ASH2L: variants seen among roughly 807,000 people sequenced by gnomAD.
ASH2L encodes set1/Ash2 histone methyltransferase complex subunit ASH2.
ASH2L carries 30 observed loss-of-function variants against 81.1 expected under a neutral mutation model. The ratio of observed to expected loss-of-function variants is 0.37; its 90% CI spans 0.28 to 0.50. The LOEUF (loss-of-function observed/expected upper bound fraction) is 0.50. ASH2L is among the 20% of genes least tolerant of loss of function. The pLI, the probability that ASH2L is intolerant of heterozygous loss-of-function variation, is 0.95. For synonymous variants in ASH2L, 273 were observed against 279.9 expected, an observed-to-expected ratio of 0.98 and a Z score of 0.24; for missense variants, 559 against 792.1, an observed-to-expected ratio of 0.71 and a Z score of 3.53.
At chr8:38,116,807 T>G in intron 8 of ASH2L, 82 bp downstream of exon 8, 3 of 1,212,832 alleles carry the variant, frequency 2.5e-6, no homozygotes, top group Non-Finnish European at 3.5e-6. Context: ...TTCTTTGGGT[T>G]GACCCTTAAC....
intron 2 of ASH2L, 133 bp downstream of exon 2, chr8:38,106,577 G>T: frequency 2.8e-6 from 2 of 703,158 alleles, no homozygotes; most frequent in South Asian, 1.9e-5. Context: ...GCGCGATCTC[G>T]GCTCACTGCA....
chr8:38,114,940 C>T lies in ASH2L; in HGVS notation c.717C>T (p.His239=). ...KERDVFLVKE[H]PDPGSKDPEE... ...GAGATGTATTCTTGGTAAAGGAACA[C>T]CCAGATCCAGGCAGTAAAGATCCAG... Residue 239 remains histidine, a synonymous_variant, in exon 7 of 16, where the codon CAC becomes CAT. Transcript: ENST00000343823. 2.5e-6 allele frequency: 4 copies of T among 1,612,788 alleles called. No individual in the cohort carries two copies. Among genetic ancestry groups the T allele is most frequent in the Non-Finnish European group, 3.4e-6 (4 of 1,178,932 alleles).
Position 38,114,256 on chromosome 8 carries a change from T to A in ASH2L, c.650T>A (p.Met217Lys). Residue 217 changes from methionine (M) to lysine (K), a missense_variant, in exon 6 of 16, where the codon ATG (methionine) becomes AAG (lysine). Coordinates refer to ENST00000343823, the MANE Select transcript of ASH2L (RefSeq NM_004674.5). ...CMTTRQRPGKMTWPNNIVKTM... is the reference protein window; with the variant it reads ...CMTTRQRPGKKTWPNNIVKTM... ...ACAACCAGACAGAGACCTGGGAAAATGACTTGGCCAAATAACATTGTTAAA... is the reference window on the plus strand; with the variant it reads ...ACAACCAGACAGAGACCTGGGAAAAAGACTTGGCCAAATAACATTGTTAAA... 1.2e-6 allele frequency: 2 copies of A among 1,607,668 alleles called. No homozygotes were observed. The highest frequency in any genetic ancestry group is 8.5e-7 in the Non-Finnish European group (1 of 1,176,976).
At chr8:38,129,742 T>G (rs181966431) in intron 12 of ASH2L, among the ~76,000 whole-genome samples, 16 of 152,310 alleles carry the variant, frequency 1.1e-4, no homozygotes, top group Non-Finnish European at 2.1e-4. Context: ...GCTCATGCAG[T>G]CTGTAGTCTT....
intron 8 of ASH2L, 52 bp downstream of exon 8, chr8:38,116,777 G>T (rs755592292): frequency 2.2e-5 from 33 of 1,492,370 alleles, no homozygotes; most frequent in Non-Finnish European, 2.3e-5. Flanking sequence ...ATTGAATCCA[G>T]TTGTGCCTAG....
At position 38,121,026 on chromosome 8, in the gene ASH2L, C is replaced by T. The variant is rs773193244; in HGVS notation, c.1042C>T (p.Pro348Ser). Residue 348 changes from proline (P) to serine (S), a missense_variant, in exon 10 of 16, where the codon CCT becomes TCT. By Grantham distance (74) the Pro-to-Ser change is moderately conservative (BLOSUM62 -1). Coordinates refer to ENST00000343823, the MANE Select transcript of ASH2L (RefSeq NM_004674.5). ...KDGYRYILAE[P>S]DPHAPDPEKL... ...TGGCTATCGGTATATTCTAGCTGAGCCTGATCCGCACGCCCCTGACCCCGA... is the reference window on the plus strand; with the variant it reads ...TGGCTATCGGTATATTCTAGCTGAGTCTGATCCGCACGCCCCTGACCCCGA... 1 of 1,613,826 alleles carries T rather than the reference C, an allele frequency of 6.2e-7. No homozygotes were observed. The highest frequency in any genetic ancestry group is 8.5e-7 in the Non-Finnish European group (1 of 1,179,994).
rs1802382620 is a variant in ASH2L at position 38,139,092 on chromosome 8, A to G, written c.*21A>G. 1 of 1,538,718 alleles carries G rather than the reference A, an allele frequency of 6.5e-7. No individual in the cohort carries two copies. The highest frequency in any genetic ancestry group is 1.2e-5 in the South Asian group (1 of 84,892). On this transcript the variant is annotated 3_prime_UTR_variant, in exon 16 of 16. Transcript: ENST00000343823. Reference sequence around the variant, plus strand: ...CCTGACCAGGTCCCTCTTTTCTGTCAAGGACTTTCTGGGAATAATACTGGG... The same window carrying G: ...CCTGACCAGGTCCCTCTTTTCTGTCGAGGACTTTCTGGGAATAATACTGGG...
chr8:38,133,455 C>A lies in ASH2L; in HGVS notation c.1529C>A (p.Ala510Asp). The A allele has an allele frequency of 6.2e-7, 1 of 1,601,420 alleles. No individual in the cohort carries two copies. The highest frequency in any genetic ancestry group is 1.7e-5 in the Admixed American group (1 of 58,470). The change falls in exon 13 of 16, where the codon GCT becomes GAT. Residue 510 changes from alanine (A) to aspartate (D), a missense_variant and splice_region_variant. Ala to Asp is a moderately radical substitution (Grantham distance 126). Coordinates refer to ENST00000343823, the MANE Select transcript of ASH2L (RefSeq NM_004674.5). ...TTTTTTTCTTTCTTGGTTTTCAAGG[C>A]TTTGATAAAATTCAAGAGTTATTTG... is the stretch of plus-strand genomic sequence containing the variant. The part of the protein sequence containing the change: ...KSLPDTYKDK[A>D]LIKFKSYLYF...
At chr8:38,109,210 C>G (rs1810580900) in intron 3 of ASH2L, among the ~76,000 whole-genome samples, 1 of 152,192 alleles carries the variant, frequency 6.6e-6, no homozygotes, top group South Asian at 2.1e-4. Context: ...ATTAAAATAA[C>G]TATTTACCTA....
At position 38,138,977 on chromosome 8, in the gene ASH2L, G is replaced by T. The variant is rs1802379217; in HGVS notation, c.1793G>T (p.Gly598Val). Residue 598 changes from glycine (G) to valine (V), a missense_variant, in exon 16 of 16, where the codon GGC becomes GTC. Gly to Val is a moderately radical substitution (Grantham distance 109). Transcript: ENST00000343823. ...DLTYRPMSDM[G>V]WGAVVEHTLA... ...TTCCTCCTGCAGATGAGTGACATGG[G>T]CTGGGGCGCCGTGGTAGAGCACACC... 5.0e-6 allele frequency: 8 copies of T among 1,613,850 alleles called. No individual in the cohort carries two copies. Among genetic ancestry groups the T allele is most frequent in the East Asian group, 2.2e-5 (1 of 44,884 alleles).
chr8:38,113,830 A>T (rs1407553270), intron 5 of ASH2L, among the ~76,000 whole-genome samples: 1 of 152,234 alleles, frequency 6.6e-6, no homozygotes, highest in African/African-American at 2.4e-5. Flanking sequence ...TAGGATGTCC[A>T]GATAGAGATG....
intron 3 of ASH2L, among the ~76,000 whole-genome samples, chr8:38,108,986 G>C (rs575515891): frequency 6.6e-6 from 1 of 152,178 alleles, no homozygotes; most frequent in African/African-American, 2.4e-5. Flanking sequence ...GGAGCTTTAG[G>C]TGGGAGGATT....
chr8:38,135,020 T>G (rs1268566471), intron 13 of ASH2L, among the ~76,000 whole-genome samples: 2 of 150,810 alleles, frequency 1.3e-5, no homozygotes, highest in Admixed American at 6.6e-5. Flanking sequence ...ACAGGTGTGG[T>G]CCCAAGGAGT....
At position 38,128,904 on chromosome 8, in the gene ASH2L, G is replaced by A; in HGVS notation, c.1480G>A (p.Glu494Lys). 6.2e-7 allele frequency: 1 copy of A among 1,613,966 alleles called. No individual in the cohort carries two copies. Among genetic ancestry groups the A allele is most frequent in the Non-Finnish European group, 8.5e-7 (1 of 1,179,946 alleles). ...DVLGFYINLP[E>K]DTETAKSLPD... is the part of the protein sequence containing the mutation. Reference sequence around the variant, plus strand: ...CCTGGGATTTTATATTAATCTTCCTGAAGACACAGAGACAGCCAAGTCATT... The same window carrying A: ...CCTGGGATTTTATATTAATCTTCCTAAAGACACAGAGACAGCCAAGTCATT... Residue 494 changes from glutamate to lysine, a missense_variant, in exon 12 of 16, where the codon GAA becomes AAA. Glu to Lys is a moderately conservative substitution (Grantham distance 56, BLOSUM62 1). This residue lies in a region of ASH2L where 318 missense variants were observed against 527.0 expected (regional missense o/e 0.60). Transcript: ENST00000343823.
At chr8:38,113,075 T>C (rs1810752364) in intron 5 of ASH2L, among the ~76,000 whole-genome samples, 1 of 152,092 alleles carries the variant, frequency 6.6e-6, no homozygotes, top group African/African-American at 2.4e-5. Flanking sequence ...TTCAAGCAAT[T>C]ATCCTGCCTC....
chr8:38,118,909 T>C (rs945252778), intron 8 of ASH2L, among the ~76,000 whole-genome samples: 6 of 152,214 alleles, frequency 3.9e-5, no homozygotes, highest in African/African-American at 1.4e-4. Context: ...CCCATACAGT[T>C]GTTTTCATTC....
intron 8 of ASH2L, 49 bp downstream of exon 8, chr8:38,116,774 C>T: frequency 6.7e-7 from 1 of 1,495,454 alleles, no homozygotes; most frequent in South Asian, 1.2e-5. Context: ...GCTATTGAAT[C>T]CAGTTGTGCC....
chr8:38,122,099 CAT>C (rs1043086361), intron 10 of ASH2L, among the ~76,000 whole-genome samples: 16 of 152,090 alleles, frequency 1.1e-4, no homozygotes, highest in African/African-American at 3.6e-4. Flanking sequence ...AGTATGGACT[CAT>C]ATATATTTAC....
intron 8 of ASH2L, among the ~76,000 whole-genome samples, chr8:38,118,593 C>T (rs1037752344): frequency 2.6e-4 from 40 of 152,190 alleles, no homozygotes; most frequent in African/African-American, 9.4e-4. Context: ...TTGTATTTGA[C>T]GAATGGGTAT....
Sources: gnomAD v4.1 joint callset for allele counts (sites outside exome capture counted in the v4.1 genomes callset) on GRCh38, gnomAD v4.1.1 for gene constraint, gnomAD v4.1.1 regional missense constraint, MANE v1.5 for transcripts, NCBI Gene and HGNC (gene_info 2026-07-23, HGNC 2026-07-21) for gene names.